Variants in STX8 observed in about 807,000 individuals in gnomAD.
STX8 encodes syntaxin 8, also known as syntaxin-8.
In STX8, 23 loss-of-function variants were observed where a neutral mutation model predicts 37.5. That is an observed-to-expected ratio of 0.61 (90% CI 0.44 to 0.87). The LOEUF is 0.87. Among genes scored for constraint, STX8 ranks in the 40% least tolerant of loss-of-function variants. STX8 has a pLI of 0.00. For synonymous variants in STX8, 115 were observed against 99.1 expected, an observed-to-expected ratio of 1.16 and a Z score of -0.95; for missense variants, 313 against 284.7, an observed-to-expected ratio of 1.10 and a Z score of -0.71.
chr17:9,279,061 GTTTTTTGT>G (rs1430019112), intron 7 of STX8, among the ~76,000 whole-genome samples: 82 of 98,394 alleles, frequency 8.3e-4, no homozygotes, highest in Non-Finnish European at 1.2e-3. Flanking sequence ...TGTGTTTTTT[GTTTTTTGT>G]TTTTTTTTTT....
chr17:9,343,281 G>A (rs531633099), intron 7 of STX8, among the ~76,000 whole-genome samples: 1 of 152,242 alleles, frequency 6.6e-6, no homozygotes, highest in South Asian at 2.1e-4. Context: ...TTGGAATGAT[G>A]GATGGGGCTC....
At chr17:9,512,363 C>T (rs535592193) in intron 4 of STX8, among the ~76,000 whole-genome samples, 2 of 152,178 alleles carry the variant, frequency 1.3e-5, no homozygotes, top group South Asian at 4.1e-4. Context: ...TAGTAATGTA[C>T]TACAATGCTG....
intron 7 of STX8, among the ~76,000 whole-genome samples, chr17:9,349,320 T>TC (rs1236873249): frequency 8.3e-5 from 12 of 144,206 alleles, no homozygotes; most frequent in South Asian, 2.2e-4. Flanking sequence ...TCTTTTCTTT[T>TC]TTTTTTTTTT....
intron 6 of STX8, among the ~76,000 whole-genome samples, chr17:9,379,307 C>T (rs1331535119): frequency 6.7e-6 from 1 of 149,856 alleles, no homozygotes; most frequent in African/African-American, 2.4e-5. Flanking sequence ...CTGGGCCCTT[C>T]TTGAGAAAAC....
At chr17:9,479,217 A>T (rs1906215949) in intron 6 of STX8, among the ~76,000 whole-genome samples, 1 of 152,140 alleles carries the variant, frequency 6.6e-6, no homozygotes, top group East Asian at 1.9e-4. Context: ...ACAATGAAAA[A>T]ATATATATAC....
At chr17:9,283,483 T>G (rs1281317397) in intron 7 of STX8, among the ~76,000 whole-genome samples, 1 of 152,182 alleles carries the variant, frequency 6.6e-6, no homozygotes, top group Non-Finnish European at 1.5e-5. Flanking sequence ...GAGGTTGCAG[T>G]GAGCCAAGAC....
At chr17:9,426,597 T>C (rs1913640698) in intron 6 of STX8, among the ~76,000 whole-genome samples, 1 of 151,926 alleles carries the variant, frequency 6.6e-6, no homozygotes, top group Admixed American at 6.6e-5. Flanking sequence ...TTGTCTCTAG[T>C]AAAAATTTAA....
At chr17:9,402,573 T>A (rs1025062336) in intron 6 of STX8, among the ~76,000 whole-genome samples, 6 of 152,190 alleles carry the variant, frequency 3.9e-5, no homozygotes. Context: ...GTCCCACTCA[T>A]TAAACAATTG....
chr17:9,300,413 C>A (rs1908730732), intron 7 of STX8, among the ~76,000 whole-genome samples: 1 of 151,750 alleles, frequency 6.6e-6, no homozygotes, highest in Non-Finnish European at 1.5e-5. Flanking sequence ...GAGTCATGAC[C>A]TCCCCAAATC....
chr17:9,557,308 T>C, intron 3 of STX8, 126 bp downstream of exon 3: 1 of 676,516 alleles, frequency 1.5e-6, no homozygotes, highest in African/African-American at 1.8e-5. Context: ...TTACAGGCAA[T>C]ATTTTGGAAA....
intron 3 of STX8, among the ~76,000 whole-genome samples, chr17:9,546,600 T>TTTG (rs1244694850): frequency 7.9e-6 from 1 of 127,346 alleles, no homozygotes; most frequent in African/African-American, 3.1e-5. Flanking sequence ...GGTTTTTTTT[T>TTTG]TTTTTTTTTT....
intron 6 of STX8, among the ~76,000 whole-genome samples, chr17:9,479,270 A>G (rs1230776550): frequency 6.6e-6 from 1 of 151,976 alleles, no homozygotes; most frequent in Non-Finnish European, 1.5e-5. Flanking sequence ...GCGGTGGCTC[A>G]CTCCTGCAAT....
chr17:9,488,053 G>A (rs1286377014), intron 6 of STX8, among the ~76,000 whole-genome samples: 1 of 152,140 alleles, frequency 6.6e-6, no homozygotes, highest in African/African-American at 2.4e-5. Flanking sequence ...TAGGCTGGGT[G>A]CAGTGGCTCA....
chr17:9,543,300 G>T (rs56013008), intron 4 of STX8, among the ~76,000 whole-genome samples: 56,111 of 148,720 alleles, frequency 0.38, 11,059 homozygotes, highest in African/African-American at 0.48. Context: ...CAGTTTTTTG[G>T]TTTTTTTTTT....
chr17:9,318,051 G>A (rs959487534), intron 7 of STX8, among the ~76,000 whole-genome samples: 1 of 152,150 alleles, frequency 6.6e-6, no homozygotes, highest in African/African-American at 2.4e-5. Flanking sequence ...TCACACACTT[G>A]AGCAAAGTCT....
In STX8 at chr17:9,417,725, G is replaced by A. The variant is rs1203600614; in HGVS notation, c.542-39072C>T. On this transcript the variant is annotated intron_variant, in intron 6 of 7. Transcript: ENST00000306357. ...CCAAACCCAACCTCTGAGGTGGTGA[G>A]ACAAACTGGAGACTGATGTCAATCA... 3.3e-5 allele frequency among the ~76,000 whole-genome samples: 5 copies of A among 152,160 alleles called. 2 individuals are homozygous for A. The highest frequency in any genetic ancestry group is 3.9e-4 in the East Asian group (2 of 5,192).
At chr17:9,368,276 G>A (rs1385396376) in intron 7 of STX8, among the ~76,000 whole-genome samples, 2 of 152,042 alleles carry the variant, frequency 1.3e-5, no homozygotes, top group African/African-American at 2.4e-5. Context: ...AGGCCGAGGA[G>A]GGCCAATCAC....
intron 4 of STX8, among the ~76,000 whole-genome samples, chr17:9,540,276 C>T (rs1030639202): frequency 5.9e-5 from 9 of 152,302 alleles, no homozygotes; most frequent in East Asian, 3.9e-4. Context: ...GTTGGAGCAA[C>T]GCTAGCTAGC....
At chr17:9,410,879 A>T (rs1008221469) in intron 6 of STX8, among the ~76,000 whole-genome samples, 1 of 152,240 alleles carries the variant, frequency 6.6e-6, no homozygotes, top group South Asian at 2.1e-4. Context: ...TTAACAAATG[A>T]TTACAAAGCA....
Sources: allele counts gnomAD v4.1 joint callset (sites outside exome capture counted in the v4.1 genomes callset), GRCh38; gene constraint gnomAD v4.1.1; transcripts MANE v1.5; gene names NCBI Gene and HGNC (gene_info 2026-07-23, HGNC 2026-07-21).